Variants in NAA11 observed in about 807,000 individuals in gnomAD.
NAA11 encodes N-alpha-acetyltransferase 11, NatA catalytic subunit.
Under a neutral mutation model 16.1 loss-of-function variants are expected in NAA11, and 15 were observed. The observed-to-expected ratio is 0.93, with a 90% CI of 0.62 to 1.44. The LOEUF is 1.44. Among genes scored for constraint, NAA11 ranks in the 40% most tolerant of loss-of-function variants. The pLI is 0.00. For missense variants in NAA11, 298 were observed against 291.3 expected, an observed-to-expected ratio of 1.02 and a Z score of -0.17; for synonymous variants, 122 against 112.4, an observed-to-expected ratio of 1.09 and a Z score of -0.54.
At chr4:79,182,172 T>C in the NAA11 span, among the ~76,000 whole-genome samples, 1 of 152,172 alleles carries the variant, frequency 6.6e-6, no homozygotes, top group Non-Finnish European at 1.5e-5. Flanking sequence ...ACCAGCATGC[T>C]AAACTCATCA....
the NAA11 span, among the ~76,000 whole-genome samples, chr4:79,163,862 C>T: frequency 3.9e-5 from 6 of 152,028 alleles, no homozygotes; most frequent in Non-Finnish European, 7.4e-5. Context: ...TGTTTTATGC[C>T]GTGTGGAAGG....
chr4:79,265,855 A>T (rs1722333335), intron 2 of NAA11, among the ~76,000 whole-genome samples: 1 of 151,810 alleles, frequency 6.6e-6, no homozygotes, highest in Non-Finnish European at 1.5e-5. Context: ...GGCCCAAGTA[A>T]TCCTCCTGCC....
chr4:79,195,620 T>C, the NAA11 span, among the ~76,000 whole-genome samples: 1 of 152,044 alleles, frequency 6.6e-6, no homozygotes, highest in African/African-American at 2.4e-5. Flanking sequence ...ATTATCTTTG[T>C]AAGGGACACA....
intron 1 of NAA11, among the ~76,000 whole-genome samples, chr4:79,318,618 C>G (rs998846307): frequency 6.6e-6 from 1 of 152,040 alleles, no homozygotes; most frequent in Non-Finnish European, 1.5e-5. Context: ...CAAGTGAAGC[C>G]AGTTGTAAGA....
chr4:79,248,997 C>A (rs934747424), intron 2 of NAA11, among the ~76,000 whole-genome samples: 6 of 152,178 alleles, frequency 3.9e-5, no homozygotes, highest in South Asian at 2.1e-4. Flanking sequence ...TTGAGCCCCC[C>A]CCCAGTGCAG....
chr4:79,321,343 C>G (rs954706584), intron 1 of NAA11, among the ~76,000 whole-genome samples: 3 of 152,196 alleles, frequency 2.0e-5, no homozygotes, highest in African/African-American at 7.2e-5. Flanking sequence ...CAAAGCTAAA[C>G]TAAATATCAT....
At chr4:79,258,340 G>A (rs190189304) in intron 2 of NAA11, among the ~76,000 whole-genome samples, 88 of 152,368 alleles carry the variant, frequency 5.8e-4, no homozygotes, top group Middle Eastern at 3.4e-3. Flanking sequence ...TGCACTTTGC[G>A]GGGGCTGGGA....
At chr4:79,248,649 C>T (rs1300580924) in intron 2 of NAA11, among the ~76,000 whole-genome samples, 1 of 152,174 alleles carries the variant, frequency 6.6e-6, no homozygotes, top group Non-Finnish European at 1.5e-5. Flanking sequence ...GGCCCCACTC[C>T]CCACCCTGTG....
chr4:79,195,689 C>G, the NAA11 span: 1 of 152,048 alleles, frequency 6.6e-6, no homozygotes, highest in Non-Finnish European at 1.5e-5. Flanking sequence ...ATTGTAGTCC[C>G]CATAATTCCC....
At chr4:79,280,534 G>A (rs1722762834) in intron 2 of NAA11, among the ~76,000 whole-genome samples, 1 of 151,760 alleles carries the variant, frequency 6.6e-6, no homozygotes, top group Admixed American at 6.6e-5. Context: ...TTTTTTGTTT[G>A]TTTTGTTTTG....
At chr4:79,240,394 T>C (rs1032013329) in intron 2 of NAA11, among the ~76,000 whole-genome samples, 1 of 152,208 alleles carries the variant, frequency 6.6e-6, no homozygotes, top group Non-Finnish European at 1.5e-5. Flanking sequence ...ATGTACTTAG[T>C]ATATGCTTTG....
chr4:79,319,598 T>C (rs186315634), intron 1 of NAA11, among the ~76,000 whole-genome samples: 5 of 152,342 alleles, frequency 3.3e-5, no homozygotes, highest in Admixed American at 6.5e-5. Flanking sequence ...TCTGACAAAG[T>C]TGGTATTTCA....
At chr4:79,191,166 A>C in the NAA11 span, among the ~76,000 whole-genome samples, 1 of 152,182 alleles carries the variant, frequency 6.6e-6, no homozygotes, top group Non-Finnish European at 1.5e-5. Flanking sequence ...AGAATGATTT[A>C]TATTCCTCTG....
chr4:79,228,917 T>C (rs1721390167), intron 2 of NAA11, among the ~76,000 whole-genome samples: 1 of 152,010 alleles, frequency 6.6e-6, no homozygotes, highest in African/African-American at 2.4e-5. Context: ...CATTCTATTT[T>C]TCAGTCTCAC....
chr4:79,160,979 G>T, the NAA11 span, among the ~76,000 whole-genome samples: 2 of 152,078 alleles, frequency 1.3e-5, no homozygotes. Context: ...TTTTCTGTTT[G>T]TGTATTTGGT....
intron 2 of NAA11, among the ~76,000 whole-genome samples, chr4:79,237,669 T>C (rs1456296902): frequency 2.0e-5 from 3 of 152,204 alleles, no homozygotes. Context: ...TTAGTATTAC[T>C]GAGGGCAATT....
the NAA11 span, among the ~76,000 whole-genome samples, chr4:79,207,710 G>C: frequency 2.6e-5 from 4 of 152,048 alleles, no homozygotes; most frequent in African/African-American, 9.7e-5. Context: ...ACACTTCAAA[G>C]GGTTATCATT....
At chr4:79,236,769 G>A (rs911304693) in intron 2 of NAA11, among the ~76,000 whole-genome samples, 1 of 152,090 alleles carries the variant, frequency 6.6e-6, no homozygotes, top group Non-Finnish European at 1.5e-5. Context: ...ATTATAAAGG[G>A]TTGCACAAAC....
chr4:79,264,731 T>C lies in NAA11; in HGVS notation c.*122+29274A>G, dbSNP rs370006035. On this transcript the variant is annotated intron_variant and NMD_transcript_variant, in intron 2 of 2. Transcript: ENST00000511542. ...TTTTCCTTGCCACACTGGGCACTTC[T>C]TTTCAGTCTCATTTAATGGACCATC... 2.5e-4 allele frequency among the ~76,000 whole-genome samples: 38 copies of C among 152,298 alleles called. No homozygotes were observed. The East Asian group carries it at 7.4e-3, about 29-fold the overall frequency.
Sources: gnomAD v4.1 joint callset for allele counts (sites outside exome capture counted in the v4.1 genomes callset) on GRCh38, gnomAD v4.1.1 for gene constraint, MANE v1.5 for transcripts, NCBI Gene and HGNC (gene_info 2026-07-23, HGNC 2026-07-21) for gene names.